HBS1L: variants seen among roughly 807,000 people sequenced by gnomAD.
HBS1L encodes the protein HBS1-like protein.
In HBS1L, 55 loss-of-function variants were observed where a neutral mutation model predicts 88.9. The observed-to-expected ratio is 0.62, with a 90% confidence interval of 0.50 to 0.77. HBS1L has a LOEUF of 0.77. Ranked by LOEUF, HBS1L falls within the 30% of genes least tolerant of loss-of-function variation. The probability of loss-of-function intolerance (pLI) is 0.00; values close to 1 mark genes in which losing one functional copy is unlikely to be tolerated. For missense variants in HBS1L, 741 were observed against 829.3 expected, an observed-to-expected ratio of 0.89 and a Z score of 1.31; for synonymous variants, 267 against 288.5, an observed-to-expected ratio of 0.93 and a Z score of 0.76.
At chr6:135,033,193 C>T (rs748411945) in intron 4 of HBS1L, among the ~76,000 whole-genome samples, 1 of 151,896 alleles carries the variant, frequency 6.6e-6, no homozygotes, top group Non-Finnish European at 1.5e-5. Flanking sequence ...TTATTAATGC[C>T]CTTGATCATA....
chr6:135,009,777 G>A (rs900561715), intron 4 of HBS1L, among the ~76,000 whole-genome samples: 2 of 151,218 alleles, frequency 1.3e-5, no homozygotes, highest in Non-Finnish European at 2.9e-5. Context: ...GGGACTACAG[G>A]TGCCCGCCAC....
At chr6:134,988,711 C>T (rs1380320047) in intron 8 of HBS1L, among the ~76,000 whole-genome samples, 2 of 152,162 alleles carry the variant, frequency 1.3e-5, no homozygotes, top group East Asian at 1.9e-4. Flanking sequence ...TCAAATATTG[C>T]TCATGGGACT....
At chr6:135,036,838 C>T in intron 4 of HBS1L, 1 of 1,551,658 alleles carries the variant, frequency 6.4e-7, no homozygotes. Flanking sequence ...AGTCAGAGAG[C>T]CTTTGTTGTT....
chr6:135,039,858 T>C (rs1776674819), intron 3 of HBS1L, 91 bp from the exon 4 acceptor site: 2 of 1,047,936 alleles, frequency 1.9e-6, no homozygotes, highest in South Asian at 3.4e-5. Flanking sequence ...TTTACAGCTG[T>C]ACTAGAATAT....
intron 2 of HBS1L, among the ~76,000 whole-genome samples, chr6:135,048,037 C>T (rs774081326): frequency 1.4e-4 from 22 of 152,216 alleles, no homozygotes; most frequent in Non-Finnish European, 1.9e-4. Flanking sequence ...CAGCTTCTAA[C>T]CTACCATCCT....
intron 13 of HBS1L, among the ~76,000 whole-genome samples, chr6:134,981,892 C>G (rs147627820): frequency 6.6e-6 from 1 of 151,838 alleles, no homozygotes; most frequent in Non-Finnish European, 1.5e-5. Flanking sequence ...AAAATTAGAT[C>G]TATATGCAGA....
chr6:134,983,850 T>C (rs1774901512), intron 12 of HBS1L, among the ~76,000 whole-genome samples: 1 of 151,906 alleles, frequency 6.6e-6, no homozygotes, highest in Non-Finnish European at 1.5e-5. Context: ...ATAGAGAAGA[T>C]ATAGAGAGGT....
At chr6:135,052,583 T>TA (rs55725857) in intron 1 of HBS1L, among the ~76,000 whole-genome samples, 74 of 137,872 alleles carry the variant, frequency 5.4e-4, no homozygotes, top group Middle Eastern at 7.4e-3. Context: ...TCCTGTCTCT[T>TA]AAAAAAAAAA....
intron 7 of HBS1L, among the ~76,000 whole-genome samples, chr6:134,996,114 T>C (rs1253172761): frequency 6.6e-6 from 1 of 152,246 alleles, no homozygotes; most frequent in South Asian, 2.1e-4. Flanking sequence ...ATATCTGCCA[T>C]TTCACTAATT....
intron 4 of HBS1L, among the ~76,000 whole-genome samples, chr6:135,038,587 G>A (rs572205982): frequency 1.3e-5 from 2 of 152,270 alleles, no homozygotes; most frequent in Non-Finnish European, 2.9e-5. Flanking sequence ...GTAACAGGCT[G>A]TACACAGCTT....
chr6:135,023,322 T>TAG (rs1450421868), intron 4 of HBS1L, among the ~76,000 whole-genome samples: 1 of 152,122 alleles, frequency 6.6e-6, no homozygotes, highest in Non-Finnish European at 1.5e-5. Context: ...CGGGCGCCTG[T>TAG]AGTCCCAGCT....
intron 2 of HBS1L, among the ~76,000 whole-genome samples, chr6:135,044,452 G>T (rs1776847517): frequency 6.6e-6 from 1 of 152,044 alleles, no homozygotes; most frequent in African/African-American, 2.4e-5. Context: ...AACAACACTG[G>T]TATAAGGTCA....
At chr6:134,981,718 T>A (rs903533242) in intron 13 of HBS1L, among the ~76,000 whole-genome samples, 16 of 151,894 alleles carry the variant, frequency 1.1e-4, no homozygotes, top group African/African-American at 3.6e-4. Flanking sequence ...AGTCAGAGGC[T>A]TAGTTGGAAG....
At chr6:134,997,812 T>G (rs537070876) in intron 5 of HBS1L, among the ~76,000 whole-genome samples, 156 bp from the exon 6 acceptor site, 1 of 152,288 alleles carries the variant, frequency 6.6e-6, no homozygotes, top group South Asian at 2.1e-4. Context: ...GTGGAAATGA[T>G]AAGTAGCTAG....
At chr6:135,024,439 C>CAA (rs60663059) in intron 4 of HBS1L, among the ~76,000 whole-genome samples, 730 of 56,958 alleles carry the variant, frequency 0.013, no homozygotes, top group Non-Finnish European at 0.016. Flanking sequence ...GACTTCGTCT[C>CAA]AAAAAAAAAA....
At chr6:134,982,367 A>T in intron 13 of HBS1L, 91 bp downstream of exon 13, 1 of 714,150 alleles carries the variant, frequency 1.4e-6, no homozygotes, top group Non-Finnish European at 2.6e-6. Context: ...GTAAGAGGTT[A>T]CTTACTTTGG....
chr6:135,022,214 C>T (rs1203079903), intron 4 of HBS1L, among the ~76,000 whole-genome samples: 4 of 150,938 alleles, frequency 2.7e-5, no homozygotes, highest in Non-Finnish European at 5.9e-5. Flanking sequence ...ATATCTAGCA[C>T]ATTAAAAGCA....
Position 135,044,484 on chromosome 6 carries a change from G to C in HBS1L, c.110-2358C>G, listed in dbSNP as rs192313279. Among the ~76,000 whole-genome samples the C allele has an allele frequency of 1.5e-4, 23 of 152,276 alleles. 1 individual carries two copies. Among genetic ancestry groups the C allele is most frequent in the Admixed American group, 1.1e-3 (17 of 15,292 alleles). On this transcript the variant is annotated intron_variant, in intron 2 of 17. Coordinates refer to ENST00000367837, the MANE Select transcript of HBS1L (RefSeq NM_006620.4). The stretch of plus-strand genomic sequence containing the variant: ...GTCAGCATGGCTAAATAGCAGAAGA[G>C]ACATCCTATTTCATAAATTCTCTAA...
chr6:135,049,022 T>C (rs565832930), intron 2 of HBS1L, among the ~76,000 whole-genome samples: 4 of 152,058 alleles, frequency 2.6e-5, no homozygotes, highest in African/African-American at 9.6e-5. Flanking sequence ...AGGCTAAAAA[T>C]AGGATGAAAG....
Sources: allele counts gnomAD v4.1 joint callset (sites outside exome capture counted in the v4.1 genomes callset), GRCh38; gene constraint gnomAD v4.1.1; transcripts MANE v1.5; gene names NCBI Gene and HGNC (gene_info 2026-07-23, HGNC 2026-07-21).